Variants in CNTNAP2 observed in about 807,000 individuals in gnomAD.
The protein encoded by CNTNAP2 is contactin-associated protein-like 2.
A neutral mutation model predicts 155.2 loss-of-function variants in CNTNAP2; 98 were observed. That is an observed-to-expected ratio of 0.63 (90% CI 0.54 to 0.75). The LOEUF is 0.75. Among genes scored for constraint, CNTNAP2 ranks in the 30% least tolerant of loss-of-function variants. The probability of loss-of-function intolerance (pLI) is 0.00; values close to 1 mark genes in which losing one functional copy is unlikely to be tolerated. For synonymous variants in CNTNAP2, 651 were observed against 631.2 expected, an observed-to-expected ratio of 1.03 and a Z score of -0.47; for missense variants, 1,727 against 1,688.1, an observed-to-expected ratio of 1.02 and a Z score of -0.40.
chr7:146,204,600 G>A (rs1798918172), intron 1 of CNTNAP2, among the ~76,000 whole-genome samples: 1 of 152,062 alleles, frequency 6.6e-6, no homozygotes, highest in African/African-American at 2.4e-5. Context: ...TCTCTCTCAT[G>A]CCAGTCGTTT....
At chr7:146,409,323 T>C (rs1795835155) in intron 1 of CNTNAP2, among the ~76,000 whole-genome samples, 1 of 152,146 alleles carries the variant, frequency 6.6e-6, no homozygotes, top group South Asian at 2.1e-4. Context: ...TCACTTGAAA[T>C]CACCTAAAAA....
At chr7:147,837,239 C>T (rs1046829943) in intron 13 of CNTNAP2, among the ~76,000 whole-genome samples, 4 of 152,150 alleles carry the variant, frequency 2.6e-5, no homozygotes, top group Non-Finnish European at 4.4e-5. Context: ...GTGAAAGTCA[C>T]GTCTCACATG....
chr7:147,343,646 G>A (rs1261333861), intron 9 of CNTNAP2, among the ~76,000 whole-genome samples: 1 of 152,114 alleles, frequency 6.6e-6, no homozygotes, highest in Non-Finnish European at 1.5e-5. Flanking sequence ...TTATGAATAA[G>A]TTTATAGTAC....
rs115674744 is a variant in CNTNAP2, at chr7:148,141,758, T to A, written c.2555-5733T>A. 6.5e-3 allele frequency among the ~76,000 whole-genome samples: 995 copies of A among 152,354 alleles called. 24 individuals carry two copies. The highest frequency in any genetic ancestry group is 0.023 in the African/African-American group (936 of 41,580). ...GGACAGCTGAGAGCGAAGTTTGTTA[T>A]TTAACATAGAATGTTTAGGGATGGA... On this transcript the variant is annotated intron_variant, in intron 16 of 23. Transcript: ENST00000361727.
At chr7:148,224,032 G>T (rs1374281752) in intron 19 of CNTNAP2, among the ~76,000 whole-genome samples, 2 of 150,130 alleles carry the variant, frequency 1.3e-5, no homozygotes. Context: ...GTTATAAGTG[G>T]ACTCTACACT....
At chr7:146,428,591 GTTGT>G (rs1273964472) in intron 1 of CNTNAP2, among the ~76,000 whole-genome samples, 26 of 151,484 alleles carry the variant, frequency 1.7e-4, no homozygotes, top group East Asian at 1.9e-4. Flanking sequence ...TTTTAATGGG[GTTGT>G]TTGTTTTTTT....
At chr7:147,053,189 G>T (rs1456539579) in intron 4 of CNTNAP2, among the ~76,000 whole-genome samples, 2 of 152,044 alleles carry the variant, frequency 1.3e-5, no homozygotes, top group African/African-American at 4.8e-5. Context: ...GCAGGGGTTG[G>T]CTAAGGTAGA....
chr7:148,329,525 T>C lies in CNTNAP2; in HGVS notation c.3476-54124T>C, dbSNP rs73466289. ...AATGTGCGGGCTGTGGGTCACAGTA[T>C]AATAGGAACACAGGACAGAGGCTGA... On this transcript the variant is annotated intron_variant, in intron 21 of 23. Transcript: ENST00000361727. Among the ~76,000 whole-genome samples, 295 of 152,214 alleles carry C rather than the reference T, an allele frequency of 1.9e-3. 1 individual carries two copies. The highest frequency in any genetic ancestry group is 7.0e-3 in the African/African-American group (292 of 41,514).
chr7:148,309,058 G>A (rs1386255188), intron 21 of CNTNAP2, among the ~76,000 whole-genome samples: 1 of 152,146 alleles, frequency 6.6e-6, no homozygotes, highest in African/African-American at 2.4e-5. Flanking sequence ...TGTCTTTATA[G>A]TAGAATGACT....
At chr7:147,072,783 T>G (rs1300631580) in intron 4 of CNTNAP2, among the ~76,000 whole-genome samples, 1 of 151,706 alleles carries the variant, frequency 6.6e-6, no homozygotes, top group Non-Finnish European at 1.5e-5. Flanking sequence ...ACATCTGTTG[T>G]TTTTTTTATT....
At chr7:148,311,223 A>G (rs895811744) in intron 21 of CNTNAP2, among the ~76,000 whole-genome samples, 2 of 152,066 alleles carry the variant, frequency 1.3e-5, no homozygotes, top group African/African-American at 4.8e-5. Context: ...GTTCTTCAGG[A>G]GGGTAAAAGT....
chr7:146,968,547 A>G (rs1234222301), intron 3 of CNTNAP2, among the ~76,000 whole-genome samples: 1 of 152,054 alleles, frequency 6.6e-6, no homozygotes. Context: ...GGGAGGGTGT[A>G]TGTGTCGAGG....
chr7:147,106,055 T>C (rs1289798299), intron 4 of CNTNAP2, among the ~76,000 whole-genome samples: 3 of 152,214 alleles, frequency 2.0e-5, no homozygotes, highest in East Asian at 3.9e-4. Context: ...TGTGTTTTGA[T>C]TTAGAAGAAA....
At chr7:148,183,622 T>C (rs2972103) in intron 18 of CNTNAP2, among the ~76,000 whole-genome samples, 137,746 of 151,692 alleles carry the variant, frequency 0.91, 62,602 homozygotes, top group South Asian at 0.94. Context: ...GCTGGGACTA[T>C]AGGCATGTGC....
At chr7:147,548,373 T>C (rs1468121856) in intron 11 of CNTNAP2, among the ~76,000 whole-genome samples, 1 of 152,240 alleles carries the variant, frequency 6.6e-6, no homozygotes, top group Non-Finnish European at 1.5e-5. Context: ...TGAGCTTTTT[T>C]TCATATGTTT....
intron 15 of CNTNAP2, among the ~76,000 whole-genome samples, chr7:148,003,933 C>A (rs571357631): frequency 1.3e-5 from 2 of 152,194 alleles, no homozygotes; most frequent in African/African-American, 4.8e-5. Flanking sequence ...ATGTATATTT[C>A]TTGAATGAAG....
chr7:148,099,460 T>TGTGC (rs58206492), intron 15 of CNTNAP2, among the ~76,000 whole-genome samples: 2 of 147,876 alleles, frequency 1.4e-5, no homozygotes, highest in South Asian at 4.3e-4. Flanking sequence ...TGTGTGTGTG[T>TGTGC]TGGATATGGG....
intron 18 of CNTNAP2, among the ~76,000 whole-genome samples, chr7:148,196,709 G>T (rs1370170135): frequency 1.3e-5 from 2 of 152,226 alleles, no homozygotes; most frequent in Non-Finnish European, 2.9e-5. Context: ...GGCAGAGCAA[G>T]GATTTGAACA....
At chr7:147,679,793 G>A (rs1456504425) in intron 13 of CNTNAP2, among the ~76,000 whole-genome samples, 1 of 151,774 alleles carries the variant, frequency 6.6e-6, no homozygotes, top group African/African-American at 2.4e-5. Flanking sequence ...GTTGATTTAA[G>A]AAGTCTAGTA....
Sources: allele counts gnomAD v4.1 joint callset (sites outside exome capture counted in the v4.1 genomes callset), GRCh38; gene constraint gnomAD v4.1.1; transcripts MANE v1.5; gene names NCBI Gene and HGNC (gene_info 2026-07-23, HGNC 2026-07-21).